Variants in NFIB observed in about 807,000 individuals in gnomAD.
NFIB encodes nuclear factor 1 B-type.
In NFIB, 11 loss-of-function variants were observed where a neutral mutation model predicts 61.5. The ratio of observed to expected loss-of-function variants is 0.18; its 90% CI spans 0.11 to 0.30. The LOEUF is 0.30. Ranked by LOEUF, NFIB falls within the 10% of genes least tolerant of loss-of-function variation. NFIB has a pLI of 1.00. For synonymous variants in NFIB, 260 were observed against 216.5 expected, an observed-to-expected ratio of 1.20 and a Z score of -1.76; for missense variants, 471 against 608.9, an observed-to-expected ratio of 0.77 and a Z score of 2.38.
intron 2 of NFIB, among the ~76,000 whole-genome samples, chr9:14,303,330 G>A (rs540917699): frequency 1.3e-5 from 2 of 152,164 alleles, no homozygotes; most frequent in Non-Finnish European, 2.9e-5. Context: ...CATCCTATAG[G>A]ACACTTACAT....
At chr9:14,527,638 G>A in the NFIB span, among the ~76,000 whole-genome samples, 3 of 152,160 alleles carry the variant, frequency 2.0e-5, no homozygotes, top group African/African-American at 7.2e-5. Context: ...CTTAGAAAGA[G>A]CCTGGCATAT....
At chr9:14,451,027 A>G in the NFIB span, among the ~76,000 whole-genome samples, 46 of 152,364 alleles carry the variant, frequency 3.0e-4, no homozygotes, top group South Asian at 9.1e-3. Context: ...ACAACTATTT[A>G]GAGCAGGGAT....
intron 2 of NFIB, among the ~76,000 whole-genome samples, chr9:14,285,656 G>C (rs1182174140): frequency 6.6e-6 from 1 of 152,166 alleles, no homozygotes; most frequent in Non-Finnish European, 1.5e-5. Flanking sequence ...TGAAAGGGCA[G>C]TAAAGTATCT....
At chr9:14,164,792 G>A (rs1587208563) in intron 3 of NFIB, among the ~76,000 whole-genome samples, 1 of 152,024 alleles carries the variant, frequency 6.6e-6, no homozygotes, top group East Asian at 1.9e-4. Flanking sequence ...GAACCATCTG[G>A]GATTCTTGAA....
the NFIB span, among the ~76,000 whole-genome samples, chr9:14,468,206 G>T: frequency 6.6e-6 from 1 of 152,362 alleles, no homozygotes; most frequent in African/African-American, 2.4e-5. Flanking sequence ...GGTTGTATAA[G>T]AGAGTATTTA....
At chr9:14,304,449 C>A (rs904294062) in intron 2 of NFIB, among the ~76,000 whole-genome samples, 1 of 152,210 alleles carries the variant, frequency 6.6e-6, no homozygotes, top group African/African-American at 2.4e-5. Context: ...CACTGCAATG[C>A]GGATGCCAAC....
the NFIB span, among the ~76,000 whole-genome samples, chr9:14,429,470 C>T: frequency 6.6e-6 from 1 of 152,180 alleles, no homozygotes; most frequent in Admixed American, 6.5e-5. Flanking sequence ...ATTTCCAGGC[C>T]TTGCCACAGA....
At chr9:14,236,148 T>C (rs2053720931) in intron 2 of NFIB, among the ~76,000 whole-genome samples, 1 of 152,222 alleles carries the variant, frequency 6.6e-6, no homozygotes, top group Non-Finnish European at 1.5e-5. Flanking sequence ...GTACGCATTA[T>C]AGCTACCAGT....
At chr9:14,259,384 G>A (rs1382383989) in intron 2 of NFIB, among the ~76,000 whole-genome samples, 4 of 152,174 alleles carry the variant, frequency 2.6e-5, no homozygotes, top group South Asian at 2.1e-4. Flanking sequence ...TTTCATAAAT[G>A]TCAAAGACCT....
intron 1 of NFIB, chr9:14,361,231 T>C (rs1381513256): frequency 1.3e-5 from 2 of 150,944 alleles, no homozygotes; most frequent in African/African-American, 2.4e-5. Context: ...TCCTTGAGAG[T>C]TGATTAACTG....
chr9:14,331,832 A>G (rs2060824386), intron 1 of NFIB, among the ~76,000 whole-genome samples: 2 of 152,246 alleles, frequency 1.3e-5, no homozygotes, highest in Admixed American at 6.5e-5. Context: ...TTGTCAAAAT[A>G]TGTAGGACTG....
At chr9:14,217,793 T>C (rs901799076) in intron 2 of NFIB, among the ~76,000 whole-genome samples, 1 of 152,096 alleles carries the variant, frequency 6.6e-6, no homozygotes, top group Non-Finnish European at 1.5e-5. Flanking sequence ...CTTCACCATG[T>C]CAATATTGAT....
At chr9:14,346,992 C>T (rs1252689084) in intron 1 of NFIB, among the ~76,000 whole-genome samples, 2 of 151,898 alleles carry the variant, frequency 1.3e-5, no homozygotes, top group Non-Finnish European at 2.9e-5. Context: ...GGACCTAGGT[C>T]TCCTAGGGAG....
upstream of NFIB, among the ~76,000 whole-genome samples, chr9:14,318,317 G>A (rs545726276): frequency 2.0e-4 from 31 of 152,244 alleles, no homozygotes; most frequent in African/African-American, 6.3e-4. Flanking sequence ...AATAAGCAAC[G>A]CTACCACATT....
At chr9:14,141,463 T>G (rs1378847736) in intron 6 of NFIB, among the ~76,000 whole-genome samples, 1 of 152,188 alleles carries the variant, frequency 6.6e-6, no homozygotes, top group East Asian at 1.9e-4. Flanking sequence ...CGGCTCATCG[T>G]CCTTAAAACT....
At chr9:14,446,255 T>C in the NFIB span, among the ~76,000 whole-genome samples, 1 of 152,224 alleles carries the variant, frequency 6.6e-6, no homozygotes, top group Non-Finnish European at 1.5e-5. Context: ...TAGGATTAAC[T>C]GGGTTTGAAT....
chr9:14,316,746 TCC>T (rs1183437652), upstream of NFIB, among the ~76,000 whole-genome samples: 1 of 151,786 alleles, frequency 6.6e-6, no homozygotes, highest in Admixed American at 6.6e-5. Flanking sequence ...TTACACTGCA[TCC>T]CCTTTCTCAC....
At chr9:14,181,642 T>C (rs2046789793) in intron 2 of NFIB, among the ~76,000 whole-genome samples, 1 of 152,240 alleles carries the variant, frequency 6.6e-6, no homozygotes, top group South Asian at 2.1e-4. Flanking sequence ...TACCTTGAGT[T>C]CCTCTGACAA....
the NFIB span, among the ~76,000 whole-genome samples, chr9:14,445,919 G>C: frequency 3.3e-5 from 5 of 152,220 alleles, no homozygotes. Context: ...CTTTAGAATA[G>C]CCATTAGAGA....
Sources: allele counts gnomAD v4.1 joint callset (sites outside exome capture counted in the v4.1 genomes callset), GRCh38; gene constraint gnomAD v4.1.1; transcripts MANE v1.5; gene names NCBI Gene and HGNC (gene_info 2026-07-23, HGNC 2026-07-21).